MALRD1: variants seen among roughly 807,000 people sequenced by gnomAD.
MALRD1 encodes the protein MAM and LDL-receptor class A domain-containing protein 1.
In MALRD1, 247 loss-of-function variants were observed where a neutral mutation model predicts 242.1. The observed-to-expected ratio is 1.02, with a 90% CI of 0.92 to 1.13. The LOEUF is 1.13. Among genes scored for constraint, MALRD1 ranks in the 50% most tolerant of loss-of-function variants. The pLI is 0.00. For synonymous variants in MALRD1, 995 were observed against 866.6 expected (o/e 1.15, Z -2.60); for missense variants, 2,989 against 2,533.1 (o/e 1.18, Z -3.86).
intron 33 of MALRD1, among the ~76,000 whole-genome samples, chr10:19,573,921 G>A (rs992092962): frequency 4.6e-5 from 7 of 152,072 alleles, no homozygotes; most frequent in African/African-American, 1.7e-4. Flanking sequence ...CCCTGACTAG[G>A]TTTTGTTGTT....
intron 31 of MALRD1, 103 bp downstream of exon 31, chr10:19,498,749 G>A (rs1209230513): frequency 3.0e-6 from 4 of 1,327,892 alleles, no homozygotes; most frequent in Non-Finnish European, 4.0e-6. Context: ...TGTATGTGGG[G>A]ACAGAGCTCA....
chr10:19,454,276 T>C (rs1394412335), intron 29 of MALRD1, among the ~76,000 whole-genome samples: 2 of 151,382 alleles, frequency 1.3e-5, no homozygotes, highest in Non-Finnish European at 2.9e-5. Flanking sequence ...ACAAGACTTG[T>C]GTATTATTTA....
intron 24 of MALRD1, among the ~76,000 whole-genome samples, chr10:19,338,469 A>G (rs1463125378): frequency 6.8e-6 from 1 of 146,112 alleles, no homozygotes; most frequent in Non-Finnish European, 1.5e-5. Context: ...AATGGATGTG[A>G]TAGCTCAATT....
rs147647775 is a variant in MALRD1, at chr10:19,665,289, G to A, written c.6138-26993G>A. The stretch of plus-strand genomic sequence containing the variant: ...CAAACAAAACGGATTTTGAGCTTCT[G>A]TGGTGGAAAGTTGTGGGACAAATAT... On this transcript the variant is annotated intron_variant, in intron 36 of 39. Coordinates refer to ENST00000454679, the MANE Select transcript of MALRD1 (RefSeq NM_001142308.3). Among the ~76,000 whole-genome samples, 309 of 152,196 alleles carry A rather than the reference G, an allele frequency of 2.0e-3. 2 individuals are homozygous for A. Among genetic ancestry groups the A allele is most frequent in the African/African-American group, 6.1e-3 (253 of 41,556 alleles).
At chr10:19,472,726 C>T (rs1296725995) in intron 29 of MALRD1, among the ~76,000 whole-genome samples, 2 of 151,738 alleles carry the variant, frequency 1.3e-5, no homozygotes, top group Admixed American at 1.3e-4. Flanking sequence ...TCCTTTGTAT[C>T]TCTGTGGTAA....
intron 36 of MALRD1, among the ~76,000 whole-genome samples, chr10:19,618,555 G>T (rs1258771213): frequency 1.3e-5 from 2 of 151,920 alleles, no homozygotes; most frequent in Non-Finnish European, 2.9e-5. Context: ...TGTCACTATG[G>T]TTTTGACTTC....
At chr10:19,121,996 G>T (rs1837082946) in intron 5 of MALRD1, among the ~76,000 whole-genome samples, 1 of 152,340 alleles carries the variant, frequency 6.6e-6, no homozygotes, top group East Asian at 1.9e-4. Flanking sequence ...CAGTCTGCAT[G>T]ATTGTGAACA....
chr10:19,072,330 C>T (rs1835177994), intron 2 of MALRD1, among the ~76,000 whole-genome samples: 1 of 152,168 alleles, frequency 6.6e-6, no homozygotes, highest in Admixed American at 6.6e-5. Flanking sequence ...ACTATAAAAA[C>T]AGTCATATAT....
At chr10:19,466,206 T>G (rs1836211335) in intron 29 of MALRD1, among the ~76,000 whole-genome samples, 1 of 152,190 alleles carries the variant, frequency 6.6e-6, no homozygotes. Context: ...AGAAGTGGTC[T>G]GTCTTCATTA....
At chr10:19,261,221 C>T (rs1272504304) in intron 19 of MALRD1, among the ~76,000 whole-genome samples, 5 of 151,970 alleles carry the variant, frequency 3.3e-5, no homozygotes, top group East Asian at 3.9e-4. Flanking sequence ...GGCAGAGATG[C>T]GAAATGTCAG....
At chr10:19,175,982 T>C (rs930605432) in intron 14 of MALRD1, among the ~76,000 whole-genome samples, 6 of 152,176 alleles carry the variant, frequency 3.9e-5, no homozygotes, top group Admixed American at 2.6e-4. Flanking sequence ...CATGTACACA[T>C]TGAAAGAATG....
chr10:19,304,111 T>C (rs1226242032), intron 21 of MALRD1, among the ~76,000 whole-genome samples: 1 of 151,710 alleles, frequency 6.6e-6, no homozygotes, highest in Non-Finnish European at 1.5e-5. Context: ...AGATCTGTCC[T>C]CACCAAGTGA....
At chr10:19,312,105 TA>T (rs2131992653) in intron 21 of MALRD1, among the ~76,000 whole-genome samples, 1 of 151,420 alleles carries the variant, frequency 6.6e-6, no homozygotes, top group Non-Finnish European at 1.5e-5. Context: ...ATGATCATCT[TA>T]ACAAAGTACA....
At chr10:19,398,585 A>G (rs1047185165) in intron 28 of MALRD1, among the ~76,000 whole-genome samples, 1 of 152,160 alleles carries the variant, frequency 6.6e-6, no homozygotes, top group African/African-American at 2.4e-5. Context: ...CACAATTTGA[A>G]GAAAATACCA....
chr10:19,278,866 C>A (rs948907082), intron 19 of MALRD1, among the ~76,000 whole-genome samples: 2 of 151,976 alleles, frequency 1.3e-5, no homozygotes, highest in African/African-American at 4.8e-5. Context: ...TTAACATAAG[C>A]AAATTGATAT....
At chr10:19,211,107 G>T (rs1346065616) in intron 18 of MALRD1, among the ~76,000 whole-genome samples, 1 of 152,118 alleles carries the variant, frequency 6.6e-6, no homozygotes, top group Non-Finnish European at 1.5e-5. Flanking sequence ...CTAGTATGTA[G>T]TGGATAAGCC....
Position 19,653,421 on chromosome 10 carries a change from A to G in MALRD1, c.6137+37498A>G, listed in dbSNP as rs529175436. Among the ~76,000 whole-genome samples, 4 of 151,996 alleles carry G rather than the reference A, an allele frequency of 2.6e-5. No homozygotes were observed. The East Asian group carries it at 5.8e-4, about 22-fold the overall frequency. ...ACTGTGTTACCCAGGCTGGTCTCAA[A>G]CTCCTGGTCTTAAGCAGTCCACCCA... On this transcript the variant is annotated intron_variant, in intron 36 of 39. Transcript: ENST00000454679.
intron 21 of MALRD1, among the ~76,000 whole-genome samples, chr10:19,307,627 C>A (rs1271836128): frequency 6.6e-6 from 1 of 151,386 alleles, no homozygotes; most frequent in Non-Finnish European, 1.5e-5. Flanking sequence ...CTCTTTGAGG[C>A]AAATTGGTAG....
intron 1 of MALRD1, among the ~76,000 whole-genome samples, chr10:19,066,305 C>G (rs896741647): frequency 6.6e-6 from 1 of 152,102 alleles, no homozygotes; most frequent in Admixed American, 6.6e-5. Flanking sequence ...TGCAGAGGGC[C>G]AACTGCATTT....
Sources: allele counts gnomAD v4.1 joint callset (sites outside exome capture counted in the v4.1 genomes callset), GRCh38; gene constraint gnomAD v4.1.1; transcripts MANE v1.5; gene names NCBI Gene and HGNC (gene_info 2026-07-23, HGNC 2026-07-21).